The following LCN10 variants were observed in gnomAD, a reference collection of about 807,000 sequenced individuals.
LCN10 encodes the protein epididymal-specific lipocalin-10.
Under a neutral mutation model 25.1 loss-of-function variants are expected in LCN10, and 18 were observed. The observed-to-expected ratio is 0.72, with a 90% confidence interval of 0.50 to 1.06. The LOEUF (loss-of-function observed/expected upper bound fraction) is 1.06. LCN10 is among the 50% of genes least tolerant of loss of function. The pLI is 0.00. For missense variants in LCN10, 257 were observed against 258.9 expected (o/e 0.99, Z 0.05); for synonymous variants, 130 against 116.7 (o/e 1.11, Z -0.73).
intron 3 of LCN10, 107 bp downstream of exon 3, chr9:136,741,145 C>G: frequency 8.9e-7 from 1 of 1,128,748 alleles, no homozygotes; most frequent in Non-Finnish European, 1.3e-6. Context: ...CACAGCCAGC[C>G]TGACGCCTGC....
At position 136,739,494 on chromosome 9, in the gene LCN10, G is replaced by A. The variant is rs777345956; in HGVS notation, c.*31C>T. 155 of 1,586,424 alleles carry A rather than the reference G, an allele frequency of 9.8e-5. No individual in the cohort carries two copies. The highest frequency in any genetic ancestry group is 3.9e-4 in the East Asian group (17 of 43,446). Reference sequence around the variant, plus strand: ...CTCCTCGGGTCTGGGAGGACCACGCGTCGAAAGGGAAGAGCAGAGGACGCT... The same window carrying A: ...CTCCTCGGGTCTGGGAGGACCACGCATCGAAAGGGAAGAGCAGAGGACGCT... On this transcript the variant is annotated 3_prime_UTR_variant, in exon 6 of 6. Transcript: ENST00000497771. The surrounding 1 kb of genome is among the most constrained non-coding windows in gnomAD (Gnocchi z 6.1).
intron 2 of LCN10, chr9:136,741,588 G>A (rs1039097247): frequency 2.1e-5 from 13 of 605,734 alleles, no homozygotes; most frequent in African/African-American, 3.7e-5. Context: ...CCCACGGCAC[G>A]AGAGAAACTC....
At chr9:136,742,479 G>C (rs568648708) in intron 1 of LCN10, 5 of 464,806 alleles carry the variant, frequency 1.1e-5, no homozygotes, top group African/African-American at 2.0e-5. Context: ...AATATGCCCC[G>C]CTTGCTCCAC....
rs1846915133 is a variant in LCN10 at position 136,740,796 on chromosome 9, C to A, written c.475+40G>T. The stretch of plus-strand genomic sequence containing the variant: ...GCGCCCCTCTATGCCTCCCTCTGCA[C>A]CCCCTCCACCATCCTCTGCCATCCG... On this transcript the variant is annotated intron_variant, in intron 4 of 5. Transcript: ENST00000497771. The surrounding 1 kb of genome is among the most constrained non-coding windows in gnomAD (Gnocchi z 5.3). 1 of 1,536,374 alleles carries A rather than the reference C, an allele frequency of 6.5e-7. No individual in the cohort carries two copies.
chr9:136,741,196 CA>C (rs1454877505), intron 3 of LCN10, 55 bp downstream of exon 3: 20 of 1,484,672 alleles, frequency 1.3e-5, no homozygotes, highest in Admixed American at 1.7e-5. Flanking sequence ...GCTCAAGGCA[CA>C]GGGGGGTCAG....
At position 136,739,322 on chromosome 9, in the gene LCN10, C is replaced by T; in HGVS notation, c.*203G>A. The T allele has an allele frequency of 1.7e-6, 1 of 589,144 alleles. No homozygotes were observed. Among genetic ancestry groups the T allele is most frequent in the Non-Finnish European group, 3.0e-6 (1 of 329,450 alleles). The allele number at this position is 589,144 out of a possible 1,614,324, so 36.5% of individuals were successfully genotyped here. ...GGAAGGGGCCTGGCTGACATCTCGC[C>T]ACCCGGTCAGCCTGTATCCTCCTTC... is the stretch of plus-strand genomic sequence containing the variant. On this transcript the variant is annotated 3_prime_UTR_variant, in exon 6 of 6. Coordinates refer to ENST00000497771, the MANE Select transcript of LCN10 (RefSeq NM_001001712.3). This position sits in a 1 kb window ranked among gnomAD's most constrained non-coding sequence, Gnocchi z 6.1.
chr9:136,741,397 G>A (rs764784702), intron 2 of LCN10, 36 bp from the exon 3 acceptor site: 2 of 1,502,988 alleles, frequency 1.3e-6, no homozygotes, highest in East Asian at 2.3e-5. Context: ...TGCAGACCAG[G>A]GAACCCCTCC....
intron 3 of LCN10, 127 bp from the exon 4 acceptor site, chr9:136,741,070 G>A: frequency 9.9e-7 from 1 of 1,008,940 alleles, no homozygotes; most frequent in East Asian, 2.6e-5. Flanking sequence ...GAGGGACTGA[G>A]TGCCCTCCCG....
In LCN10 at chr9:136,740,759, C is replaced by T. The variant is rs549255324; in HGVS notation, c.475+77G>A. On this transcript the variant is annotated intron_variant, in intron 4 of 5. Transcript: ENST00000497771. The surrounding 1 kb of genome is among the most constrained non-coding windows in gnomAD (Gnocchi z 5.3). ...CTGCCCGCCTCACCTCCTGCCCGGC[C>T]CCCTGTGCCCAGCGCCCCTCTATGC... The T allele has an allele frequency of 5.2e-4, 585 of 1,118,148 alleles. 1 individual carries two copies. The highest frequency in any genetic ancestry group is 1.6e-3 in the African/African-American group (98 of 60,180). The allele number at this position is 1,118,148 out of a possible 1,614,324, so 69.3% of individuals were successfully genotyped here.
Position 136,739,804 on chromosome 9 carries a change from C to T in LCN10, c.574+146G>A. ...GCCAAGCCCCGATTCTCAGGGGCGG[C>T]AGGAGGTGGGAGGCACGTTTGGGCG... On this transcript the variant is annotated intron_variant, in intron 5 of 5. Transcript: ENST00000497771. This position sits in a 1 kb window ranked among gnomAD's most constrained non-coding sequence, Gnocchi z 6.1. 1 of 821,672 alleles carries T rather than the reference C, an allele frequency of 1.2e-6. No homozygotes were observed. The highest frequency in any genetic ancestry group is 2.0e-6 in the Non-Finnish European group (1 of 493,622). The allele number at this position is 821,672 out of a possible 1,614,324, so 50.9% of individuals were successfully genotyped here.
Position 136,740,912 on chromosome 9 carries a change from G to A in LCN10, c.399C>T (p.Ser133=), listed in dbSNP as rs1168098422. ...AGACCAAGCCGTAGCTGTAGTCAGT[G>A]GACAGCACGTGGAAGGCCTTCACCC... ...VKGVKAFHVL[S]TDYSYGLVYL... Residue 133 remains serine (S), a synonymous_variant, in exon 4 of 6, where the codon TCC becomes TCT. Transcript: ENST00000497771. This position sits in a 1 kb window ranked among gnomAD's most constrained non-coding sequence, Gnocchi z 5.3. 6.2e-7 allele frequency: 1 copy of A among 1,613,710 alleles called. No individual in the cohort carries two copies. The highest frequency in any genetic ancestry group is 2.2e-5 in the East Asian group (1 of 44,902).
At chr9:136,742,327 G>A (rs911329854) in intron 1 of LCN10, 3 of 443,736 alleles carry the variant, frequency 6.8e-6, no homozygotes, top group Non-Finnish European at 1.2e-5. Context: ...TGGGGGCTGG[G>A]TACTGCTCGG....
Position 136,738,551 on chromosome 9 carries a change from C to T in LCN10, c.*974G>A, listed in dbSNP as rs1024753283. ...TTGGCCAGAAGAAGGTCCATTCATT[C>T]AGTTGGGGGGTTCATCTCAGACAAC... On this transcript the variant is annotated 3_prime_UTR_variant, in exon 6 of 6. Coordinates refer to ENST00000497771, the MANE Select transcript of LCN10 (RefSeq NM_001001712.3). 3 of 152,148 alleles carry T rather than the reference C, an allele frequency of 2.0e-5. No homozygotes were observed. The highest frequency in any genetic ancestry group is 4.4e-5 in the Non-Finnish European group (3 of 68,042). The allele number at this position is 152,148 out of a possible 1,614,324, so 9.4% of individuals were successfully genotyped here.
Position 136,741,967 on chromosome 9 carries a change from C to A in LCN10, c.171G>T (p.Leu57Phe). 1 of 1,612,672 alleles carries A rather than the reference C, an allele frequency of 6.2e-7. No homozygotes were observed. Among genetic ancestry groups the A allele is most frequent in the Non-Finnish European group, 8.5e-7 (1 of 1,179,556 alleles). ...LATATDAQGF[L>F]PARDKRKLGA... ...CCAGCTTCCTCTTGTCCCTGGCCGGCAAGAATCCCTGGGCATCAGTGGCAG... is the reference window on the plus strand; with the variant it reads ...CCAGCTTCCTCTTGTCCCTGGCCGGAAAGAATCCCTGGGCATCAGTGGCAG... The change falls in exon 2 of 6, where the codon TTG (leucine) becomes TTT (phenylalanine). Residue 57 changes from leucine (L) to phenylalanine (F), a missense_variant. Coordinates refer to ENST00000497771, the MANE Select transcript of LCN10 (RefSeq NM_001001712.3).
intron 3 of LCN10, 102 bp downstream of exon 3, chr9:136,741,150 G>T: frequency 8.8e-7 from 1 of 1,139,442 alleles, no homozygotes; most frequent in South Asian, 1.4e-5. Flanking sequence ...CCAGCCTGAC[G>T]CCTGCCTGCC....
chr9:136,739,999 A>G lies in LCN10; in HGVS notation c.525T>C (p.Ala175=), dbSNP rs1846899552. 7 of 1,591,166 alleles carry G rather than the reference A, an allele frequency of 4.4e-6. No individual in the cohort carries two copies. Among genetic ancestry groups the G allele is most frequent in the Non-Finnish European group, 6.0e-6 (7 of 1,168,762 alleles). The change falls in exon 5 of 6, where the codon GCT becomes GCC. Residue 175 remains alanine, a synonymous_variant. Coordinates refer to ENST00000497771, the MANE Select transcript of LCN10 (RefSeq NM_001001712.3). The surrounding 1 kb of genome is among the most constrained non-coding windows in gnomAD (Gnocchi z 6.1). The part of the protein sequence containing the change: ...SFQSLKEFMD[A]CDILGLSKAA... ...CCTTGGAGAGCCCCAGAATGTCACA[A>G]GCGTCCATGAATTCCTTCAGACTCT...
chr9:136,739,692 C>A lies in LCN10; in HGVS notation c.575-139G>T. On this transcript the variant is annotated intron_variant, in intron 5 of 5. Coordinates refer to ENST00000497771, the MANE Select transcript of LCN10 (RefSeq NM_001001712.3). This position sits in a 1 kb window ranked among gnomAD's most constrained non-coding sequence, Gnocchi z 6.1. The stretch of plus-strand genomic sequence containing the variant: ...CACGAGAACACAGCCATGCAGCCCC[C>A]GATCCTGCAGCCACAGCCACGGCAT... 1 of 853,850 alleles carries A rather than the reference C, an allele frequency of 1.2e-6. No homozygotes were observed. 52.9% of individuals were successfully genotyped at this position (853,850 alleles called of 1,614,324 possible). A position where few individuals can be genotyped will look rare whatever the true frequency, so the allele number is the denominator to read the frequency against.
intron 2 of LCN10, 124 bp from the exon 3 acceptor site, chr9:136,741,485 G>GCCCCAGGT (rs1846932988): frequency 1.4e-6 from 1 of 740,424 alleles, no homozygotes; most frequent in East Asian, 2.7e-5. Flanking sequence ...GAAGGTTGGG[G>GCCCCAGGT]CCCCAGGTCC....
chr9:136,741,749 G>T, intron 2 of LCN10, 132 bp downstream of exon 2: 2 of 1,251,018 alleles, frequency 1.6e-6, no homozygotes, highest in Non-Finnish European at 1.1e-6. Flanking sequence ...TGAGTTTAGG[G>T]GGAGGAAGTG....
Sources: allele counts gnomAD v4.1 joint callset, GRCh38; gene constraint gnomAD v4.1.1; non-coding constraint Gnocchi (gnomAD v3.1); transcripts MANE v1.5; gene names NCBI Gene and HGNC (gene_info 2026-07-23, HGNC 2026-07-21).